Variants in VAV1 observed in about 807,000 individuals in gnomAD.
VAV1 encodes vav guanine nucleotide exchange factor 1.
VAV1 carries 33 observed loss-of-function variants against 128.1 expected under a neutral mutation model. The ratio of observed to expected loss-of-function variants is 0.26; its 90% confidence interval spans 0.20 to 0.34. VAV1 has a LOEUF of 0.34. VAV1 is among the 10% of genes least tolerant of loss of function. The pLI is 1.00. For missense variants in VAV1, 715 were observed against 1,093.7 expected (o/e 0.65, Z 4.88); for synonymous variants, 394 against 409.8 (o/e 0.96, Z 0.47).
rs187994426 is a variant in VAV1, at chr19:6,843,234, G to C, written c.2012+68G>C. 4.4e-4 allele frequency: 698 copies of C among 1,571,214 alleles called. 5 individuals are homozygous for C. The African/African-American group carries it at 8.1e-3, about 18-fold the overall frequency. On this transcript the variant is annotated intron_variant, in intron 22 of 26. Transcript: ENST00000602142. ...GGTTGGGGTTCCAGGCTGGGTATGG[G>C]AGGAACCTCCGAGCCAATTAGTTAT...
At chr19:6,811,122 G>A (rs12327646) in intron 1 of VAV1, among the ~76,000 whole-genome samples, 11,873 of 152,086 alleles carry the variant, frequency 0.078, 1,216 homozygotes, top group African/African-American at 0.24. Flanking sequence ...TGCAGCCTCC[G>A]CCTTCCAGGT....
chr19:6,821,561 A>G (rs1891900803), intron 2 of VAV1, 61 bp from the exon 3 acceptor site: 1 of 1,599,316 alleles, frequency 6.3e-7, no homozygotes, highest in Admixed American at 1.7e-5. Flanking sequence ...TGCAGCTGGA[A>G]GCTGTGTTCT....
At chr19:6,790,585 G>A (rs1482323724) in intron 1 of VAV1, among the ~76,000 whole-genome samples, 1 of 152,172 alleles carries the variant, frequency 6.6e-6, no homozygotes, top group Non-Finnish European at 1.5e-5. Context: ...TAGCCCTGGA[G>A]GGTTCTTGGC....
chr19:6,829,413 G>C (rs917133322), intron 13 of VAV1, among the ~76,000 whole-genome samples: 1 of 152,076 alleles, frequency 6.6e-6, no homozygotes, highest in Non-Finnish European at 1.5e-5. Flanking sequence ...CTGGGGTGGA[G>C]CCTGGGTAGG....
intron 24 of VAV1, among the ~76,000 whole-genome samples, chr19:6,852,720 C>CAAACAA (rs201171114): frequency 1.4e-5 from 2 of 138,618 alleles, no homozygotes; most frequent in African/African-American, 6.1e-5. Context: ...GACTCCGTCT[C>CAAACAA]AAAGAAAAAA....
intron 1 of VAV1, among the ~76,000 whole-genome samples, chr19:6,814,659 CCTTCCTTCCTTCCTTT>C (rs1568299083): frequency 2.0e-4 from 7 of 35,434 alleles, no homozygotes; most frequent in African/African-American, 1.1e-3. Flanking sequence ...TTCCTTCCTT[CCTTCCTTCCTTCCTTT>C]CTTTCTTTCT....
chr19:6,823,073 T>C (rs180864), intron 6 of VAV1, among the ~76,000 whole-genome samples: 13,082 of 148,246 alleles, frequency 0.088, 1,330 homozygotes, highest in African/African-American at 0.24. Flanking sequence ...CATATGTAGA[T>C]ATATATACCT....
intron 21 of VAV1, among the ~76,000 whole-genome samples, chr19:6,838,440 T>TCC (rs1972285527): frequency 2.9e-5 from 4 of 137,114 alleles, no homozygotes; most frequent in African/African-American, 1.3e-4. Context: ...TCCATCCATC[T>TCC]ATCATCTATC....
chr19:6,852,065 G>T (rs559249972), intron 24 of VAV1, among the ~76,000 whole-genome samples: 306 of 152,278 alleles, frequency 2.0e-3, no homozygotes, highest in Non-Finnish European at 1.3e-3. Flanking sequence ...CCAGGCTAGA[G>T]TGCAATGTTG....
intron 1 of VAV1, among the ~76,000 whole-genome samples, chr19:6,782,435 G>A (rs657410): frequency 6.6e-6 from 1 of 152,010 alleles, no homozygotes; most frequent in African/African-American, 2.4e-5. Flanking sequence ...AACATGATAA[G>A]GTAAATGAAA....
rs1318650863 is a variant in VAV1, at chr19:6,836,526, T to C, written c.1872T>C (p.Ile624=). The change falls in exon 20 of 27, where the codon ATT becomes ATC. Residue 624 remains isoleucine (I), a synonymous_variant. Coordinates refer to ENST00000602142, the MANE Select transcript of VAV1 (RefSeq NM_005428.4). ...TTCTACGGCTCAACCCTGGAGACAT[T>C]GTGGAGCTCACGAAGGCTGAGGCTG... ...GPFLRLNPGD[I]VELTKAEAEQ... 6.2e-7 allele frequency: 1 copy of C among 1,613,840 alleles called. No individual in the cohort carries two copies. Among genetic ancestry groups the C allele is most frequent in the Non-Finnish European group, 8.5e-7 (1 of 1,180,000 alleles).
At chr19:6,800,734 G>C (rs184468649) in intron 1 of VAV1, among the ~76,000 whole-genome samples, 1 of 152,092 alleles carries the variant, frequency 6.6e-6, no homozygotes, top group Non-Finnish European at 1.5e-5. Context: ...CGATTCTCCT[G>C]CCTCAGCCTC....
chr19:6,834,283 G>T (rs563291582), intron 19 of VAV1, among the ~76,000 whole-genome samples: 1 of 150,940 alleles, frequency 6.6e-6, no homozygotes, highest in Admixed American at 6.6e-5. Context: ...TTGCTGTGTC[G>T]CCCAGGCTGG....
chr19:6,833,392 C>T (rs1972136845), intron 16 of VAV1, 107 bp downstream of exon 16: 2 of 1,370,756 alleles, frequency 1.5e-6, no homozygotes, highest in Non-Finnish European at 1.0e-6. Flanking sequence ...GGGGGAGTCC[C>T]TACTTTGATC....
intron 1 of VAV1, among the ~76,000 whole-genome samples, chr19:6,810,170 C>A (rs1971485635): frequency 1.3e-5 from 2 of 151,596 alleles, no homozygotes; most frequent in Non-Finnish European, 2.9e-5. Flanking sequence ...CAGAGCAAGA[C>A]CTCATCTCTA....
intron 23 of VAV1, 90 bp from the exon 24 acceptor site, chr19:6,850,580 A>G: frequency 3.2e-6 from 4 of 1,254,942 alleles, no homozygotes; most frequent in Non-Finnish European, 3.5e-6. Context: ...TCCTCCCTGA[A>G]GGGGTCAAGG....
intron 19 of VAV1, among the ~76,000 whole-genome samples, chr19:6,835,201 A>G (rs922857184): frequency 2.8e-5 from 3 of 107,572 alleles, no homozygotes; most frequent in Non-Finnish European, 5.8e-5. Flanking sequence ...ATATATGTGT[A>G]TATATATATA....
At chr19:6,853,872 T>C (rs547991756) in intron 25 of VAV1, 75 bp from the exon 26 acceptor site, 573 of 1,562,812 alleles carry the variant, frequency 3.7e-4, no homozygotes, top group Non-Finnish European at 4.6e-4. Flanking sequence ...GTTACTGTCC[T>C]GAGAGCTTGT....
Position 6,850,759 on chromosome 19 carries a change from T to C in VAV1, c.2217+2T>C. The C allele has an allele frequency of 6.2e-7, 1 of 1,613,890 alleles. No individual in the cohort carries two copies. Among genetic ancestry groups the C allele is most frequent in the Non-Finnish European group, 8.5e-7 (1 of 1,179,884 alleles). On this transcript the variant is annotated splice_donor_variant, in intron 24 of 26. Coordinates refer to ENST00000602142, the MANE Select transcript of VAV1 (RefSeq NM_005428.4). LOFTEE classifies it high-confidence loss of function. ...AAAAAGGCTTTCCGGGGGCTTACGG[T>C]AAGGGTCAATGTCCGCTCAATCCCA... is the stretch of plus-strand genomic sequence containing the variant.
Sources: gnomAD v4.1 joint callset for allele counts (sites outside exome capture counted in the v4.1 genomes callset) on GRCh38, gnomAD v4.1.1 for gene constraint, MANE v1.5 for transcripts, NCBI Gene and HGNC (gene_info 2026-07-23, HGNC 2026-07-21) for gene names.